The following LCNL1 variants were observed in gnomAD, a reference collection of about 807,000 sequenced individuals.
LCNL1 encodes the protein lipocalin-like 1 protein.
In LCNL1, 11 loss-of-function variants were observed where a neutral mutation model predicts 7.9. The observed-to-expected ratio is 1.40, with a 90% CI of 0.88 to 2.32. LCNL1 has a LOEUF of 2.32. LCNL1 is among the 30% of genes most tolerant of loss of function. The probability of loss-of-function intolerance (pLI) is 0.00; values close to 1 mark genes in which losing one functional copy is unlikely to be tolerated. For synonymous variants in LCNL1, 90 were observed against 92.5 expected (o/e 0.97, Z 0.15); for missense variants, 218 against 217.0 (o/e 1.00, Z -0.03).
chr9:136,983,476 G>T lies in LCNL1; in HGVS notation c.-111G>T, dbSNP rs1315690681. ...AGATGTGTACAGCAGCCCCTGCCGT[G>T]GCCAGGAAGCAGCTGTGTCGGGGCA... On this transcript the variant is annotated 5_prime_UTR_variant, in exon 1 of 3. Coordinates refer to ENST00000408973, the MANE Select transcript of LCNL1 (RefSeq NM_207510.4). 2 of 1,356,980 alleles carry T rather than the reference G, an allele frequency of 1.5e-6. No homozygotes were observed. The highest frequency in any genetic ancestry group is 2.9e-5 in the African/African-American group (2 of 70,012). The allele number at this position is 1,356,980 out of a possible 1,614,324, so 84.1% of individuals were successfully genotyped here.
Position 136,985,584 on chromosome 9 carries a change from TGCGCGTCGGGAGGGG to T in LCNL1, c.*577_*591del, listed in dbSNP as rs1830492362. 1 of 152,424 alleles carries T rather than the reference TGCGCGTCGGGAGGGG, an allele frequency of 6.6e-6. No homozygotes were observed. Among genetic ancestry groups the T allele is most frequent in the South Asian group, 2.1e-4 (1 of 4,828 alleles). 9.4% of individuals were successfully genotyped at this position (152,424 alleles called of 1,614,324 possible). The stretch of plus-strand genomic sequence containing the variant: ...GCAGCAGCCTGGGGAACCGCGGGGC[TGCGCGTCGGGAGGGG>T]GCGGAGGCAGGGGACGCCGCCCACC... On this transcript the variant is annotated 3_prime_UTR_variant, in exon 3 of 3. Coordinates refer to ENST00000408973, the MANE Select transcript of LCNL1 (RefSeq NM_207510.4).
Position 136,984,888 on chromosome 9 carries a change from C to A in LCNL1, c.372C>A (p.Cys124Ter), listed in dbSNP as rs1262046871. Reference protein sequence around the residue: ...PRFGSGMSPLCLHQPFLHAEG... With the variant: ...PRFGSGMSPL The stretch of plus-strand genomic sequence containing the variant: ...TCGGGTCTGGGATGTCACCCCTGTG[C>A]CTGCACCAGCCCTTTCTGCACGCGG... The change falls in exon 3 of 3, where the codon TGC (cysteine) becomes TGA (stop). Residue 124 changes from cysteine to a stop codon, truncating the protein, a stop_gained. Coordinates refer to ENST00000408973, the MANE Select transcript of LCNL1 (RefSeq NM_207510.4). LOFTEE classifies it low-confidence loss of function (END_TRUNC). The A allele has an allele frequency of 6.4e-7, 1 of 1,558,104 alleles. No individual in the cohort carries two copies. Among genetic ancestry groups the A allele is most frequent in the Non-Finnish European group, 8.7e-7 (1 of 1,150,878 alleles).
Position 136,984,831 on chromosome 9 carries a change from G to A in LCNL1, c.315G>A (p.Arg105=), listed in dbSNP as rs751030447. The A allele has an allele frequency of 7.9e-5, 124 of 1,570,912 alleles. No homozygotes were observed. The highest frequency in any genetic ancestry group is 2.3e-4 in the Admixed American group (12 of 52,854). The change falls in exon 3 of 3, where the codon CGG becomes CGA. Residue 105 remains arginine, a synonymous_variant. Transcript: ENST00000408973. The stretch of plus-strand genomic sequence containing the variant: ...AGTGGCTGCAGCTCTACGGTGGGCG[G>A]GCTGCGGGGCGGAGACCCAGACACC... ...RNQWLQLYGG[R]AAGRRPRHPR...
Position 136,983,467 on chromosome 9 carries a change from C to T in LCNL1, c.-120C>T, listed in dbSNP as rs1830464161. 3.2e-6 allele frequency: 4 copies of T among 1,254,406 alleles called. No homozygotes were observed. In the South Asian group the frequency reaches 3.9e-5, roughly 12 times the overall value. The allele number at this position is 1,254,406 out of a possible 1,614,324, so 77.7% of individuals were successfully genotyped here. A position where few individuals can be genotyped will look rare whatever the true frequency, so the allele number is the denominator to read the frequency against. Reference sequence around the variant, plus strand: ...TCGGGGTCGAGATGTGTACAGCAGCCCCTGCCGTGGCCAGGAAGCAGCTGT... The same window carrying T: ...TCGGGGTCGAGATGTGTACAGCAGCTCCTGCCGTGGCCAGGAAGCAGCTGT... On this transcript the variant is annotated 5_prime_UTR_variant, in exon 1 of 3. Coordinates refer to ENST00000408973, the MANE Select transcript of LCNL1 (RefSeq NM_207510.4).
In LCNL1 at chr9:136,984,482, C is replaced by A; in HGVS notation, c.123-8C>A. 6.4e-7 allele frequency: 1 copy of A among 1,557,082 alleles called. No homozygotes were observed. The highest frequency in any genetic ancestry group is 8.7e-7 in the Non-Finnish European group (1 of 1,150,552). On this transcript the variant is annotated splice_region_variant and splice_polypyrimidine_tract_variant and intron_variant, in intron 1 of 2. Transcript: ENST00000408973. Reference sequence around the variant, plus strand: ...GCCACTCAGGGGATTGGGGCTCTTTCTCCCCAGGCCCCATGGCGGGTGCCA... The same window carrying A: ...GCCACTCAGGGGATTGGGGCTCTTTATCCCCAGGCCCCATGGCGGGTGCCA...
At position 136,983,405 on chromosome 9, in the gene LCNL1, T is replaced by C. The variant is rs930464299; in HGVS notation, c.-182T>C. Reference sequence around the variant, plus strand: ...CGGTGCTGGGCTGGTGGGGGCCAGTTGCTCATGTACTGAGGCCCCCCTCCC... The same window carrying C: ...CGGTGCTGGGCTGGTGGGGGCCAGTCGCTCATGTACTGAGGCCCCCCTCCC... On this transcript the variant is annotated 5_prime_UTR_variant, in exon 1 of 3. Coordinates refer to ENST00000408973, the MANE Select transcript of LCNL1 (RefSeq NM_207510.4). 1.3e-5 allele frequency: 9 copies of C among 670,362 alleles called. No individual in the cohort carries two copies. Among genetic ancestry groups the C allele is most frequent in the Admixed American group, 2.5e-5 (1 of 39,600 alleles). The allele number at this position is 670,362 out of a possible 1,614,324, so 41.5% of individuals were successfully genotyped here.
rs867901475 is a variant in LCNL1, at chr9:136,983,096, C to T, written c.-491C>T. ...TCCTCCCGGCTTTGGTGCTGCACCCCGGGTCCCTGTCCACACCCTCTTTGA... is the reference window on the plus strand; with the variant it reads ...TCCTCCCGGCTTTGGTGCTGCACCCTGGGTCCCTGTCCACACCCTCTTTGA... On this transcript the variant is annotated 5_prime_UTR_variant, in exon 1 of 3. Coordinates refer to ENST00000408973, the MANE Select transcript of LCNL1 (RefSeq NM_207510.4). The T allele has an allele frequency of 6.0e-5, 10 of 165,826 alleles. 2 individuals are homozygous for T. In the Middle Eastern group the frequency reaches 4.1e-3, roughly 68 times the overall value. The allele number at this position is 165,826 out of a possible 1,614,324, so 10.3% of individuals were successfully genotyped here.
intron 1 of LCNL1, 157 bp downstream of exon 1, chr9:136,983,865 C>T (rs7029565): frequency 0.7 from 697,729 of 993,598 alleles, 247,091 homozygotes; most frequent in East Asian, 0.83. Context: ...GGCAGCCACA[C>T]GGAGTCCAGA....
chr9:136,984,715 ATGGCCC>A lies in LCNL1; in HGVS notation c.202_207del (p.Ala68_Leu69del). 4 of 1,524,018 alleles carry A rather than the reference ATGGCCC, an allele frequency of 2.6e-6. No individual in the cohort carries two copies. Among genetic ancestry groups the A allele is most frequent in the Non-Finnish European group, 3.5e-6 (4 of 1,131,930 alleles). The allele number at this position is 1,524,018 out of a possible 1,614,324, so 94.4% of individuals were successfully genotyped here. A position where few individuals can be genotyped will look rare whatever the true frequency, so the allele number is the denominator to read the frequency against. ...GTCAGCGGCTCTCGCTCCTCCAGCC[ATGGCCC>A]TGAGTGACATCCGAGTGGCCTTCTC... On this transcript the variant is annotated inframe_deletion, in exon 3 of 3. Transcript: ENST00000408973.
Position 136,983,020 on chromosome 9 carries a change from T to C in LCNL1, c.-567T>C, listed in dbSNP as rs970635879. 4 of 157,346 alleles carry C rather than the reference T, an allele frequency of 2.5e-5. No homozygotes were observed. The highest frequency in any genetic ancestry group is 9.6e-5 in the African/African-American group (4 of 41,534). The allele number at this position is 157,346 out of a possible 1,614,324, so 9.7% of individuals were successfully genotyped here. A position where few individuals can be genotyped will look rare whatever the true frequency, so the allele number is the denominator to read the frequency against. On this transcript the variant is annotated 5_prime_UTR_variant, in exon 1 of 3. Transcript: ENST00000408973. ...GCCCAGGTCCCCATCCAGGCCAACTTTGATGCCAGCCAGGTGTGCCCAGCC... is the reference window on the plus strand; with the variant it reads ...GCCCAGGTCCCCATCCAGGCCAACTCTGATGCCAGCCAGGTGTGCCCAGCC...
chr9:136,984,758 A>ACT lies in LCNL1; in HGVS notation c.243_244dup (p.Phe82SerfsTer128). ...CGAGTGGCCTTCTCCGACTACCAGC[A>ACT]CTTTGCCTTGCTGTACTTGGAGATG... On this transcript the variant is annotated frameshift_variant, in exon 3 of 3. Coordinates refer to ENST00000408973, the MANE Select transcript of LCNL1 (RefSeq NM_207510.4). LOFTEE classifies it low-confidence loss of function (END_TRUNC). 1 of 1,553,220 alleles carries ACT rather than the reference A, an allele frequency of 6.4e-7. No individual in the cohort carries two copies. Among genetic ancestry groups the ACT allele is most frequent in the Non-Finnish European group, 8.7e-7 (1 of 1,144,882 alleles).
chr9:136,984,417 C>A, intron 1 of LCNL1, 73 bp from the exon 2 acceptor site: 1 of 1,370,558 alleles, frequency 7.3e-7, no homozygotes, highest in Non-Finnish European at 9.8e-7. Context: ...GGCTCAGAGA[C>A]AGCAAGGTAG....
intron 1 of LCNL1, 111 bp downstream of exon 1, chr9:136,983,819 G>A (rs903962759): frequency 2.4e-5 from 36 of 1,486,394 alleles, no homozygotes; most frequent in Non-Finnish European, 3.1e-5. Context: ...GTCAGACCAC[G>A]GGTCCTCGAC....
In LCNL1 at chr9:136,985,043, G is replaced by A. The variant is rs1328833090; in HGVS notation, c.*32G>A. ...CGCCCTCCCCACCTTCAGCTCGAGC[G>A]CCCGAGCTGTTTCCCGAAGGCGCCC... is the stretch of plus-strand genomic sequence containing the variant. On this transcript the variant is annotated 3_prime_UTR_variant, in exon 3 of 3. Coordinates refer to ENST00000408973, the MANE Select transcript of LCNL1 (RefSeq NM_207510.4). 7 of 1,431,174 alleles carry A rather than the reference G, an allele frequency of 4.9e-6. No individual in the cohort carries two copies. Among genetic ancestry groups the A allele is most frequent in the Non-Finnish European group, 6.5e-6 (7 of 1,083,936 alleles). 88.7% of individuals were successfully genotyped at this position (1,431,174 alleles called of 1,614,324 possible).
chr9:136,984,834 T>TGCGGG lies in LCNL1; in HGVS notation c.323_327dup (p.Arg110GlyfsTer101). The TGCGGG allele has an allele frequency of 6.4e-7, 1 of 1,569,910 alleles. No homozygotes were observed. The highest frequency in any genetic ancestry group is 8.6e-7 in the Non-Finnish European group (1 of 1,157,188). On this transcript the variant is annotated frameshift_variant, in exon 3 of 3. Transcript: ENST00000408973. LOFTEE classifies it low-confidence loss of function (END_TRUNC). ...GGCTGCAGCTCTACGGTGGGCGGGC[T>TGCGGG]GCGGGGCGGAGACCCAGACACCCCC...
chr9:136,984,605 G>T (rs776375434), intron 2 of LCNL1, 42 bp downstream of exon 2: 1 of 1,523,264 alleles, frequency 6.6e-7, no homozygotes, highest in Non-Finnish European at 8.8e-7. Flanking sequence ...TGGGGGCCCT[G>T]GAGGCTGCAT....
At chr9:136,984,038 GTC>G in intron 1 of LCNL1, 1 of 419,474 alleles carries the variant, frequency 2.4e-6, no homozygotes, top group Non-Finnish European at 4.4e-6. Context: ...ATGCATGTGT[GTC>G]TTTGTAGATG....
chr9:136,984,776 T>TG lies in LCNL1; in HGVS notation c.262dup (p.Glu88GlyfsTer149), dbSNP rs1471464952. ...TACCAGCACTTTGCCTTGCTGTACT[T>TG]GGAGATGCGGAAAGGGGGCCTGCGG... On this transcript the variant is annotated frameshift_variant, in exon 3 of 3. Coordinates refer to ENST00000408973, the MANE Select transcript of LCNL1 (RefSeq NM_207510.4). LOFTEE classifies it low-confidence loss of function (END_TRUNC). 1 of 1,573,424 alleles carries TG rather than the reference T, an allele frequency of 6.4e-7. No individual in the cohort carries two copies. Among genetic ancestry groups the TG allele is most frequent in the African/African-American group, 1.4e-5 (1 of 73,740 alleles).
Position 136,984,529 on chromosome 9 carries a change from C to T in LCNL1, c.162C>T (p.Thr54=), listed in dbSNP as rs775672294. ...GGCQKMDTTF[T]EGAVPGQFSN... ...GCCAGAAAATGGACACGACCTTCAC[C>T]GAGGGTGCTGTACCGGGGCAGTTCA... The change falls in exon 2 of 3, where the codon ACC becomes ACT. Residue 54 remains threonine (T), a synonymous_variant. Transcript: ENST00000408973. 9 of 1,573,712 alleles carry T rather than the reference C, an allele frequency of 5.7e-6. No homozygotes were observed. The highest frequency in any genetic ancestry group is 4.7e-5 in the South Asian group (4 of 85,838).
Sources: gnomAD v4.1 joint callset for allele counts on GRCh38, gnomAD v4.1.1 for gene constraint, MANE v1.5 for transcripts, NCBI Gene and HGNC (gene_info 2026-07-23, HGNC 2026-07-21) for gene names.